CSMD1: variants seen among roughly 807,000 people sequenced by gnomAD.
The protein encoded by CSMD1 is CUB and sushi domain-containing protein 1.
In CSMD1, 213 loss-of-function variants were observed where a neutral mutation model predicts 417.5. That is an observed-to-expected ratio of 0.51 (90% CI 0.46 to 0.57). The LOEUF is 0.57. Ranked by LOEUF, CSMD1 falls within the 20% of genes least tolerant of loss-of-function variation. The pLI, the probability that CSMD1 is intolerant of heterozygous loss-of-function variation, is 0.00. For synonymous variants in CSMD1, 2,862 were observed against 1,736.8 expected, an observed-to-expected ratio of 1.65 and a Z score of -16.11; for missense variants, 6,923 against 4,529.7, an observed-to-expected ratio of 1.53 and a Z score of -15.17.
chr8:3,559,509 G>C (rs1372663389), intron 10 of CSMD1, among the ~76,000 whole-genome samples: 1 of 152,172 alleles, frequency 6.6e-6, no homozygotes, highest in Non-Finnish European at 1.5e-5. Context: ...AGAAGAACGA[G>C]GAGGAGAAGG....
intron 2 of CSMD1, among the ~76,000 whole-genome samples, chr8:4,509,042 G>A (rs1802682912): frequency 6.6e-6 from 1 of 152,082 alleles, no homozygotes; most frequent in African/African-American, 2.4e-5. Context: ...AGGAATTCCA[G>A]AAGTGTGAGT....
intron 1 of CSMD1, among the ~76,000 whole-genome samples, chr8:4,912,492 A>G (rs1286015257): frequency 2.0e-5 from 3 of 152,148 alleles, no homozygotes; most frequent in Non-Finnish European, 2.9e-5. Flanking sequence ...CTTTCCATAC[A>G]AAGTGCCAGA....
At chr8:4,326,770 T>TAC (rs1799586236) in intron 3 of CSMD1, among the ~76,000 whole-genome samples, 2 of 152,018 alleles carry the variant, frequency 1.3e-5, no homozygotes, top group East Asian at 1.9e-4. Flanking sequence ...GAAGATGAGG[T>TAC]ACGCAGAAAT....
chr8:4,296,855 G>C (rs979146178), intron 3 of CSMD1, among the ~76,000 whole-genome samples: 1 of 151,930 alleles, frequency 6.6e-6, no homozygotes, highest in Admixed American at 6.6e-5. Flanking sequence ...CTATCTCCCA[G>C]ACTTGTCTTA....
At chr8:3,046,025 C>T (rs141736399) in intron 50 of CSMD1, among the ~76,000 whole-genome samples, 21 of 152,266 alleles carry the variant, frequency 1.4e-4, no homozygotes, top group African/African-American at 5.1e-4. Context: ...GGCTCCAAGT[C>T]GGCCTCTTTA....
At chr8:3,889,469 A>C (rs1806798728) in intron 5 of CSMD1, among the ~76,000 whole-genome samples, 1 of 102,196 alleles carries the variant, frequency 9.8e-6, no homozygotes, top group South Asian at 3.8e-4. Context: ...ATATATATAT[A>C]TATATATATA....
chr8:3,912,868 G>A (rs1808554562), intron 5 of CSMD1, among the ~76,000 whole-genome samples: 1 of 152,194 alleles, frequency 6.6e-6, no homozygotes, highest in African/African-American at 2.4e-5. Flanking sequence ...GCGTAGTAGT[G>A]ATGGTGATGT....
intron 7 of CSMD1, among the ~76,000 whole-genome samples, chr8:3,671,710 G>C (rs1247052724): frequency 6.6e-6 from 1 of 151,340 alleles, no homozygotes; most frequent in African/African-American, 2.4e-5. Context: ...CATCTTATTC[G>C]TGTTGCATGC....
At chr8:4,318,221 G>C (rs373954931) in intron 3 of CSMD1, among the ~76,000 whole-genome samples, 5 of 152,100 alleles carry the variant, frequency 3.3e-5, no homozygotes, top group African/African-American at 1.2e-4. Context: ...ACAACTATTA[G>C]AACTTTTTTG....
intron 3 of CSMD1, among the ~76,000 whole-genome samples, chr8:4,072,398 G>A (rs12677595): frequency 0.34 from 52,022 of 151,816 alleles, 10,516 homozygotes; most frequent in Non-Finnish European, 0.43. Flanking sequence ...TGCATTCTAT[G>A]TACCAAGCAT....
intron 3 of CSMD1, among the ~76,000 whole-genome samples, chr8:4,399,192 C>T (rs1427894239): frequency 6.6e-6 from 1 of 152,090 alleles, no homozygotes; most frequent in Non-Finnish European, 1.5e-5. Context: ...ATGATCCTAG[C>T]CTGGAATTTA....
At chr8:3,683,618 G>A (rs538129461) in intron 7 of CSMD1, among the ~76,000 whole-genome samples, 50 of 152,186 alleles carry the variant, frequency 3.3e-4, no homozygotes, top group African/African-American at 9.4e-4. Context: ...CAGGTCTTCC[G>A]CTGAAAACAT....
intron 3 of CSMD1, among the ~76,000 whole-genome samples, chr8:4,118,822 G>C (rs911353479): frequency 2.0e-5 from 3 of 152,152 alleles, no homozygotes; most frequent in South Asian, 2.1e-4. Context: ...ATTCACAATA[G>C]CAAAGACTTG....
At chr8:3,734,825 C>A (rs1243118869) in intron 6 of CSMD1, among the ~76,000 whole-genome samples, 1 of 152,224 alleles carries the variant, frequency 6.6e-6, no homozygotes, top group Admixed American at 6.5e-5. Flanking sequence ...GGGATACCTT[C>A]CTTCTGGTTG....
At chr8:4,218,559 T>C (rs3849844) in intron 3 of CSMD1, among the ~76,000 whole-genome samples, 75,743 of 152,080 alleles carry the variant, frequency 0.5, 20,912 homozygotes, top group African/African-American at 0.72. Flanking sequence ...CTGAGTCAAG[T>C]TGTCTATGTT....
At chr8:4,460,759 G>C (rs1165787364) in intron 2 of CSMD1, among the ~76,000 whole-genome samples, 1 of 152,006 alleles carries the variant, frequency 6.6e-6, no homozygotes, top group African/African-American at 2.4e-5. Context: ...CATCAGAATA[G>C]ACCTCAAGTA....
rs568982213 is a variant in CSMD1, at chr8:3,413,912, G to T, written c.1562-4307C>A. 1.2e-3 allele frequency among the ~76,000 whole-genome samples: 177 copies of T among 152,088 alleles called. 2 individuals are homozygous for T. Among genetic ancestry groups the T allele is most frequent in the African/African-American group, 4.1e-3 (169 of 41,506 alleles). ...CTAGCACTTTGGAAGGCCGAGGTGG[G>T]ATGATCACTTGAGATCATGAGTTGG... On this transcript the variant is annotated intron_variant, in intron 12 of 69. Transcript: ENST00000635120.
chr8:3,078,008 C>T (rs1447991081), intron 49 of CSMD1, among the ~76,000 whole-genome samples: 12 of 152,208 alleles, frequency 7.9e-5, no homozygotes, highest in Admixed American at 7.9e-4. Flanking sequence ...CACACGATCC[C>T]TTTGTTTGCT....
chr8:4,178,835 A>C (rs943947128), intron 3 of CSMD1, among the ~76,000 whole-genome samples: 1 of 152,230 alleles, frequency 6.6e-6, no homozygotes, highest in Admixed American at 6.5e-5. Context: ...CAATTCCTTC[A>C]AAGAGAATAA....
Sources: gnomAD v4.1 joint callset for allele counts (sites outside exome capture counted in the v4.1 genomes callset) on GRCh38, gnomAD v4.1.1 for gene constraint, MANE v1.5 for transcripts, NCBI Gene and HGNC (gene_info 2026-07-23, HGNC 2026-07-21) for gene names.